Variants in SPAG16 observed in about 807,000 individuals in gnomAD.
SPAG16 encodes the protein sperm associated antigen 16.
SPAG16 carries 86 observed loss-of-function variants against 80.4 expected under a neutral mutation model. The observed-to-expected ratio is 1.07, with a 90% CI of 0.90 to 1.28. The LOEUF (loss-of-function observed/expected upper bound fraction) is 1.28. Among genes scored for constraint, SPAG16 ranks in the 50% most tolerant of loss-of-function variants. The pLI is 0.00. For synonymous variants in SPAG16, 294 were observed against 265.9 expected, an observed-to-expected ratio of 1.11 and a Z score of -1.03; for missense variants, 870 against 765.3, an observed-to-expected ratio of 1.14 and a Z score of -1.61.
At chr2:214,165,469 CTT>C (rs67726428) in intron 15 of SPAG16, among the ~76,000 whole-genome samples, 20 of 37,836 alleles carry the variant, frequency 5.3e-4, no homozygotes, top group Admixed American at 8.8e-4. Context: ...CATCACCATC[CTT>C]TTTTTTTTTT....
chr2:214,112,159 C>T (rs919411302), intron 14 of SPAG16, among the ~76,000 whole-genome samples: 3 of 152,144 alleles, frequency 2.0e-5, no homozygotes, highest in Admixed American at 6.6e-5. Context: ...AGTTTGATTG[C>T]ACTGTGGTCT....
intron 10 of SPAG16, among the ~76,000 whole-genome samples, chr2:213,651,989 G>A (rs2063041239): frequency 6.6e-6 from 1 of 152,100 alleles, no homozygotes; most frequent in South Asian, 2.1e-4. Context: ...TGCATGTAAT[G>A]TACTTTTTGG....
At chr2:213,315,341 C>T (rs948398732) in intron 4 of SPAG16, among the ~76,000 whole-genome samples, 2 of 151,888 alleles carry the variant, frequency 1.3e-5, no homozygotes, top group African/African-American at 4.8e-5. Flanking sequence ...TCTCTTCTCC[C>T]TCAGACTCTA....
intron 10 of SPAG16, among the ~76,000 whole-genome samples, chr2:213,679,261 A>G (rs2064259278): frequency 6.6e-6 from 1 of 152,210 alleles, no homozygotes; most frequent in African/African-American, 2.4e-5. Flanking sequence ...AAACCTGAGA[A>G]AAACATTTTT....
At chr2:214,163,703 C>T (rs965579252) in intron 15 of SPAG16, among the ~76,000 whole-genome samples, 38 of 151,378 alleles carry the variant, frequency 2.5e-4, no homozygotes, top group Admixed American at 1.6e-3. Flanking sequence ...TATGTGATTG[C>T]GGGGGCTGGC....
chr2:213,536,144 A>G (rs2076238045), intron 10 of SPAG16, among the ~76,000 whole-genome samples: 1 of 152,104 alleles, frequency 6.6e-6, no homozygotes, highest in South Asian at 2.1e-4. Flanking sequence ...TATAGTTCAC[A>G]TTCTTTCAAG....
At chr2:213,495,189 GA>G (rs1250948937) in intron 10 of SPAG16, among the ~76,000 whole-genome samples, 3 of 152,164 alleles carry the variant, frequency 2.0e-5, no homozygotes, top group African/African-American at 7.2e-5. Context: ...CTTCAGTTTG[GA>G]ATTGAACTTG....
At chr2:213,466,246 T>G in intron 9 of SPAG16, among the ~76,000 whole-genome samples, 1 of 152,194 alleles carries the variant, frequency 6.6e-6, no homozygotes, top group Non-Finnish European at 1.5e-5. Flanking sequence ...CCCCTTTATA[T>G]ATACATCTAT....
chr2:213,585,295 G>A (rs200249356), intron 10 of SPAG16, among the ~76,000 whole-genome samples: 1 of 67,120 alleles, frequency 1.5e-5, no homozygotes, highest in Non-Finnish European at 3.4e-5. Flanking sequence ...TTTTTTTTTT[G>A]AAATGGAGTC....
At chr2:213,582,660 A>G (rs2060337093) in intron 10 of SPAG16, among the ~76,000 whole-genome samples, 2 of 152,162 alleles carry the variant, frequency 1.3e-5, no homozygotes, top group Admixed American at 6.6e-5. Flanking sequence ...TGTTCAATGT[A>G]TTGAAGCAAA....
chr2:214,326,730 G>T (rs1461568927), intron 15 of SPAG16, among the ~76,000 whole-genome samples: 1 of 152,070 alleles, frequency 6.6e-6, no homozygotes, highest in South Asian at 2.1e-4. Flanking sequence ...CGGATCACGA[G>T]ATCAGGAGAT....
chr2:213,918,073 A>C (rs550559978), intron 11 of SPAG16, among the ~76,000 whole-genome samples: 1 of 152,292 alleles, frequency 6.6e-6, no homozygotes, highest in African/African-American at 2.4e-5. Context: ...AATCATATTT[A>C]TTGATTTGTG....
chr2:213,649,200 G>A (rs1403870438), intron 10 of SPAG16, among the ~76,000 whole-genome samples: 1 of 152,194 alleles, frequency 6.6e-6, no homozygotes, highest in Non-Finnish European at 1.5e-5. Context: ...TTTGAATAAT[G>A]AATTTTGTGA....
intron 12 of SPAG16, among the ~76,000 whole-genome samples, chr2:213,980,725 T>TATATATATAGAGAGAGAGAGAG (rs374274176): frequency 3.1e-4 from 32 of 103,988 alleles, no homozygotes; most frequent in South Asian, 3.0e-3. Context: ...TATATATATA[T>TATATATATAGAGAGAGAGAGAG]AGAGAGAGAG....
intron 15 of SPAG16, among the ~76,000 whole-genome samples, chr2:214,310,157 C>A (rs1034150172): frequency 7.5e-6 from 1 of 133,766 alleles, no homozygotes; most frequent in Non-Finnish European, 1.6e-5. Flanking sequence ...CCGTCATTTT[C>A]TTTCTTTCTT....
intron 11 of SPAG16, among the ~76,000 whole-genome samples, chr2:213,864,926 G>A (rs2075626787): frequency 6.6e-6 from 1 of 151,808 alleles, no homozygotes; most frequent in Non-Finnish European, 1.5e-5. Context: ...AGATTAATAG[G>A]TAAAAAAATA....
At chr2:214,101,576 T>A (rs953156761) in intron 13 of SPAG16, among the ~76,000 whole-genome samples, 2 of 152,052 alleles carry the variant, frequency 1.3e-5, no homozygotes, top group African/African-American at 4.8e-5. Context: ...CATAAGCCCA[T>A]GGAGGGTTAG....
intron 10 of SPAG16, among the ~76,000 whole-genome samples, chr2:213,755,568 C>A (rs1239991606): frequency 6.6e-6 from 1 of 152,066 alleles, no homozygotes; most frequent in Non-Finnish European, 1.5e-5. Flanking sequence ...TCTTTTTTAT[C>A]ATTTCATTTT....
Position 213,862,481 on chromosome 2 carries a change from GCA to G in SPAG16, c.1071-3_1071-2del, listed in dbSNP as rs1274804719. On this transcript the variant is annotated splice_acceptor_variant and splice_polypyrimidine_tract_variant and intron_variant, in intron 10 of 15. Coordinates refer to ENST00000331683, the MANE Select transcript of SPAG16 (RefSeq NM_024532.5). LOFTEE classifies it high-confidence loss of function. ...ATAACTCTTTTTTCTTTCTCCTCGCGCAGTGTCTCCATGCAACCCCACAAAGA... is the reference window on the plus strand; with the variant it reads ...ATAACTCTTTTTTCTTTCTCCTCGCGGTGTCTCCATGCAACCCCACAAAGA... 1 of 1,612,686 alleles carries G rather than the reference GCA, an allele frequency of 6.2e-7. No individual in the cohort carries two copies. Among genetic ancestry groups the G allele is most frequent in the Admixed American group, 1.7e-5 (1 of 59,946 alleles).
Sources: gnomAD v4.1 joint callset for allele counts (sites outside exome capture counted in the v4.1 genomes callset) on GRCh38, gnomAD v4.1.1 for gene constraint, MANE v1.5 for transcripts, NCBI Gene and HGNC (gene_info 2026-07-23, HGNC 2026-07-21) for gene names.